The following ZC2HC1A variants were observed in gnomAD, a reference collection of about 807,000 sequenced individuals.
ZC2HC1A encodes the protein zinc finger C2HC-type containing 1A.
In ZC2HC1A, 28 loss-of-function variants were observed where a neutral mutation model predicts 40.7. The ratio of observed to expected loss-of-function variants is 0.69; its 90% CI spans 0.51 to 0.94. The LOEUF is 0.94. Ranked by LOEUF, ZC2HC1A falls within the 40% of genes least tolerant of loss-of-function variation. The probability of loss-of-function intolerance (pLI) is 0.00; values close to 1 mark genes in which losing one functional copy is unlikely to be tolerated. For missense variants in ZC2HC1A, 389 were observed against 386.3 expected, an observed-to-expected ratio of 1.01 and a Z score of -0.06; for synonymous variants, 129 against 129.2, an observed-to-expected ratio of 1.00 and a Z score of 0.01.
chr8:78,669,989 C>T (rs1176284888), intron 1 of ZC2HC1A, among the ~76,000 whole-genome samples: 10 of 99,300 alleles, frequency 1.0e-4, no homozygotes, highest in East Asian at 3.2e-4. Context: ...TTTTTTGATA[C>T]GGAGTTTCGC....
chr8:78,715,395 A>G (rs1028192710), intron 8 of ZC2HC1A, 67 bp downstream of exon 8: 1 of 1,411,112 alleles, frequency 7.1e-7, no homozygotes, highest in African/African-American at 1.5e-5. Flanking sequence ...TCCAAGGACC[A>G]TACACAAAAG....
At chr8:78,716,215 C>G (rs1811097125) in intron 8 of ZC2HC1A, among the ~76,000 whole-genome samples, 1 of 151,356 alleles carries the variant, frequency 6.6e-6, no homozygotes, top group South Asian at 2.1e-4. Context: ...CTGTGCCTCC[C>G]AGGTTCACGC....
chr8:78,699,536 G>T (rs1810534763), intron 7 of ZC2HC1A, among the ~76,000 whole-genome samples: 2 of 151,962 alleles, frequency 1.3e-5, no homozygotes, highest in Admixed American at 6.6e-5. Context: ...GTGTCATAGG[G>T]AGTTTGTTGT....
At chr8:78,685,407 C>T (rs1302717397) in intron 3 of ZC2HC1A, among the ~76,000 whole-genome samples, 1 of 152,120 alleles carries the variant, frequency 6.6e-6, no homozygotes, top group Admixed American at 6.5e-5. Context: ...TGTGAGGTTG[C>T]ACCTGGCTAA....
intron 4 of ZC2HC1A, among the ~76,000 whole-genome samples, chr8:78,687,478 A>G (rs1242664571): frequency 1.4e-5 from 2 of 145,260 alleles, no homozygotes; most frequent in African/African-American, 5.0e-5. Flanking sequence ...ATATATTTAT[A>G]TATAATTATA....
chr8:78,713,963 G>T (rs906441567), intron 7 of ZC2HC1A, among the ~76,000 whole-genome samples: 25 of 152,116 alleles, frequency 1.6e-4, no homozygotes, highest in African/African-American at 5.8e-4. Context: ...GTTATTACCT[G>T]CATGTACTTT....
In ZC2HC1A at chr8:78,717,594, T is replaced by C; in HGVS notation, c.*101T>C. On this transcript the variant is annotated 3_prime_UTR_variant, in exon 9 of 9. Coordinates refer to ENST00000263849, the MANE Select transcript of ZC2HC1A (RefSeq NM_016010.3). The stretch of plus-strand genomic sequence containing the variant: ...TCTAGTTAGTTTGTGCTAAAAATAC[T>C]CGAAATACCATTTCCAGTTAATTTT... 4 of 1,284,170 alleles carry C rather than the reference T, an allele frequency of 3.1e-6. No homozygotes were observed. The highest frequency in any genetic ancestry group is 4.2e-6 in the Non-Finnish European group (4 of 943,586). 79.5% of individuals were successfully genotyped at this position (1,284,170 alleles called of 1,614,324 possible). A position where few individuals can be genotyped will look rare whatever the true frequency, so the allele number is the denominator to read the frequency against.
chr8:78,691,866 T>C (rs945025552), intron 5 of ZC2HC1A, among the ~76,000 whole-genome samples: 3 of 152,146 alleles, frequency 2.0e-5, no homozygotes, highest in Non-Finnish European at 4.4e-5. Flanking sequence ...TGATGTGTAT[T>C]GTTATACTTA....
chr8:78,676,138 AC>A lies in ZC2HC1A; in HGVS notation c.93+276del, dbSNP rs201164059. 3.7e-3 allele frequency: 914 copies of A among 249,796 alleles called. 8 individuals are homozygous for A. Among genetic ancestry groups the A allele is most frequent in the South Asian group, 6.3e-3 (38 of 6,018 alleles). The allele number at this position is 249,796 out of a possible 1,614,324, so 15.5% of individuals were successfully genotyped here. ...AAACAAACAAAATAAAAAAAAAAAA[AC>A]AAAATCAGATACCTTAGAAATAAGT... On this transcript the variant is annotated intron_variant, in intron 2 of 8. Transcript: ENST00000263849.
intron 7 of ZC2HC1A, among the ~76,000 whole-genome samples, chr8:78,706,330 T>A (rs1810769978): frequency 6.6e-6 from 1 of 152,188 alleles, no homozygotes; most frequent in Non-Finnish European, 1.5e-5. Context: ...AACATCCTGC[T>A]TTGCTGGAGT....
chr8:78,697,510 A>G lies in ZC2HC1A; in HGVS notation c.604+4A>G. The G allele has an allele frequency of 1.2e-6, 2 of 1,601,850 alleles. No individual in the cohort carries two copies. Among genetic ancestry groups the G allele is most frequent in the Non-Finnish European group, 1.7e-6 (2 of 1,176,136 alleles). ...GGCGCTGGCAAAACTGTTGTAGGTA[A>G]TGATAGCCGAAAAGCAACTTGATTT... On this transcript the variant is annotated splice_donor_region_variant and intron_variant, in intron 6 of 8. Transcript: ENST00000263849.
rs921837490 is a variant in ZC2HC1A, at chr8:78,717,841, C to G, written c.*348C>G. On this transcript the variant is annotated 3_prime_UTR_variant, in exon 9 of 9. Transcript: ENST00000263849. Reference sequence around the variant, plus strand: ...AAACTCTCATACTCTAGTGCTTAGCCCTTCAAGCTTTAGGATAAGTATAAC... The same window carrying G: ...AAACTCTCATACTCTAGTGCTTAGCGCTTCAAGCTTTAGGATAAGTATAAC... The G allele has an allele frequency of 1.9e-4, 31 of 161,150 alleles. No homozygotes were observed. Among genetic ancestry groups the G allele is most frequent in the Non-Finnish European group, 2.2e-4 (16 of 73,570 alleles). 10.0% of individuals were successfully genotyped at this position (161,150 alleles called of 1,614,324 possible).
chr8:78,678,582 G>C lies in ZC2HC1A; in HGVS notation c.113G>C (p.Cys38Ser). Residue 38 changes from cysteine to serine, a missense_variant, in exon 3 of 9, where the codon TGC (cysteine) becomes TCC (serine). Cys to Ser is a moderately radical substitution (Grantham distance 112). Transcript: ENST00000263849. Reference protein sequence around the residue: ...PVALKKHGPICQKTATKKRKT... With the variant: ...PVALKKHGPISQKTATKKRKT... Reference sequence around the variant, plus strand: ...TAACAGAAAAAACATGGACCCATTTGCCAGAAGACTGCAACTAAAAAACGG... The same window carrying C: ...TAACAGAAAAAACATGGACCCATTTCCCAGAAGACTGCAACTAAAAAACGG... 6.2e-7 allele frequency: 1 copy of C among 1,610,864 alleles called. No homozygotes were observed. The highest frequency in any genetic ancestry group is 8.5e-7 in the Non-Finnish European group (1 of 1,178,820).
chr8:78,678,900 G>C, intron 3 of ZC2HC1A: 1 of 283,488 alleles, frequency 3.5e-6, no homozygotes, highest in Non-Finnish European at 6.4e-6. Flanking sequence ...TCAAAGAAGA[G>C]ACCAAGGTGC....
At chr8:78,697,583 T>C in intron 6 of ZC2HC1A, 77 bp downstream of exon 6, 1 of 1,004,268 alleles carries the variant, frequency 1.0e-6, no homozygotes, top group East Asian at 2.5e-5. Context: ...TAGTGGTCTA[T>C]TCTGGAATAT....
At chr8:78,674,580 C>T (rs1809520756) in intron 1 of ZC2HC1A, among the ~76,000 whole-genome samples, 1 of 152,120 alleles carries the variant, frequency 6.6e-6, no homozygotes, top group Non-Finnish European at 1.5e-5. Flanking sequence ...TCAGGCAAAT[C>T]TTAGCTTTGC....
chr8:78,670,653 T>C (rs74653435), intron 1 of ZC2HC1A, among the ~76,000 whole-genome samples: 398 of 152,270 alleles, frequency 2.6e-3, no homozygotes, highest in African/African-American at 9.0e-3. Flanking sequence ...AATGAACTTA[T>C]TAAGAAAAGC....
intron 7 of ZC2HC1A, among the ~76,000 whole-genome samples, chr8:78,709,145 T>C (rs1810876753): frequency 6.6e-6 from 1 of 152,188 alleles, no homozygotes; most frequent in Non-Finnish European, 1.5e-5. Flanking sequence ...ATATCAGAGA[T>C]TTACTTCCTT....
chr8:78,678,693 C>A lies in ZC2HC1A; in HGVS notation c.210+14C>A. The A allele has an allele frequency of 1.3e-6, 2 of 1,568,148 alleles. No individual in the cohort carries two copies. The highest frequency in any genetic ancestry group is 1.7e-6 in the Non-Finnish European group (2 of 1,153,524). On this transcript the variant is annotated intron_variant, in intron 3 of 8. Transcript: ENST00000263849. ...CTCAAACCGAGGGTAACTATATAAC[C>A]TTTTGAACAGTATGAACTTTGGTGT...
Sources: allele counts gnomAD v4.1 joint callset (sites outside exome capture counted in the v4.1 genomes callset), GRCh38; gene constraint gnomAD v4.1.1; transcripts MANE v1.5; gene names NCBI Gene and HGNC (gene_info 2026-07-23, HGNC 2026-07-21).